The following TMEM200C variants were observed in gnomAD, a reference collection of about 807,000 sequenced individuals.
The protein encoded by TMEM200C is transmembrane protein TTMA.
For synonymous variants in TMEM200C, 462 were observed against 324.7 expected (o/e 1.42, Z -4.55); for missense variants, 966 against 699.9 (o/e 1.38, Z -4.29).
intron 2 of TMEM200C, among the ~76,000 whole-genome samples, chr18:5,893,299 GT>G (rs1011246421): frequency 6.6e-6 from 1 of 151,080 alleles, no homozygotes; most frequent in Non-Finnish European, 1.5e-5. Flanking sequence ...GTTTTGTTTT[GT>G]TTTTCCCCCT....
In TMEM200C at chr18:5,891,871, C is replaced by T. The variant is rs777545388; in HGVS notation, c.193G>A (p.Val65Met). The T allele has an allele frequency of 5.0e-6, 8 of 1,611,236 alleles. No homozygotes were observed. In the East Asian group the frequency reaches 1.8e-4, roughly 36 times the overall value. ...CCCACCACCGCCATGGCTATGCCCA[C>T]CAGCAGCACCAGGATCCCACAGAGG... The change falls in exon 3 of 3, where the codon GTG becomes ATG. Residue 65 changes from valine (V) to methionine (M), a missense_variant. By Grantham distance (21) the Val-to-Met change is conservative. Coordinates refer to ENST00000581347, the Ensembl canonical transcript of TMEM200C. The surrounding 1 kb of genome is among the most constrained non-coding windows in gnomAD (Gnocchi z 4.7).
At chr18:5,890,299 G>C in exon 3 of TMEM200C, 1 of 1,601,600 alleles carries the variant, frequency 6.2e-7, no homozygotes, top group Non-Finnish European at 8.5e-7. Flanking sequence ...TGCACCGGCT[G>C]AGGTTGCTCG....
exon 3 of TMEM200C, chr18:5,887,352 C>A (rs2095166160): frequency 6.6e-6 from 1 of 152,184 alleles, no homozygotes; most frequent in African/African-American, 2.4e-5. Flanking sequence ...CTTGTTCATG[C>A]CCGTCTGAAG....
At chr18:5,895,065 G>C (rs886273852) in exon 2 of TMEM200C, 1 of 152,142 alleles carries the variant, frequency 6.6e-6, no homozygotes, top group East Asian at 1.9e-4. Context: ...CCGGCGAACG[G>C]GCGCTCGGGC....
exon 3 of TMEM200C, chr18:5,890,839 C>T: frequency 1.5e-6 from 1 of 677,600 alleles, no homozygotes; most frequent in South Asian, 1.5e-5. Flanking sequence ...TCCTGGGAGC[C>T]GCGTTCCCCC....
intron 2 of TMEM200C, among the ~76,000 whole-genome samples, chr18:5,894,706 C>T (rs1004047169): frequency 6.6e-6 from 1 of 152,218 alleles, no homozygotes; most frequent in Non-Finnish European, 1.5e-5. Flanking sequence ...TCCTCGACCC[C>T]GGCCCCTCAC....
exon 3 of TMEM200C, chr18:5,887,689 T>G (rs2095166402): frequency 6.6e-6 from 1 of 152,218 alleles, no homozygotes; most frequent in South Asian, 2.1e-4. Context: ...TGAGATCATG[T>G]GTACCAAGCT....
exon 2 of TMEM200C, chr18:5,895,035 G>A (rs1354389494): frequency 6.6e-6 from 1 of 152,312 alleles, no homozygotes; most frequent in Admixed American, 6.5e-5. Flanking sequence ...CTTACCCAGG[G>A]AGACCGAGGG....
intron 2 of TMEM200C, among the ~76,000 whole-genome samples, chr18:5,893,757 T>C (rs1197976000): frequency 1.3e-5 from 2 of 152,200 alleles, no homozygotes; most frequent in African/African-American, 2.4e-5. Context: ...GGAATGTAAA[T>C]GGTAATCAGC....
chr18:5,890,591 C>G (rs1255636426), exon 3 of TMEM200C: 6 of 1,230,432 alleles, frequency 4.9e-6, no homozygotes, highest in Non-Finnish European at 6.2e-6. Context: ...GGTCCGCACT[C>G]CCCGGGGAGG....
chr18:5,891,314 G>C lies in TMEM200C; in HGVS notation c.750C>G (p.Phe250Leu). 7.1e-7 allele frequency: 1 copy of C among 1,409,976 alleles called. No homozygotes were observed. Among genetic ancestry groups the C allele is most frequent in the African/African-American group, 1.5e-5 (1 of 66,532 alleles). The allele number at this position is 1,409,976 out of a possible 1,614,324, so 87.3% of individuals were successfully genotyped here. Residue 250 changes from phenylalanine to leucine, a missense_variant, in exon 3 of 3, where the codon TTC becomes TTG. Transcript: ENST00000581347. This position sits in a 1 kb window ranked among gnomAD's most constrained non-coding sequence, Gnocchi z 4.7. The stretch of plus-strand genomic sequence containing the variant: ...GGCCCCGCGACTGCACGTAGCTGAG[G>C]AAGCCGTTGAGCGGTATGGCCCCGG...
rs1242684903 is a variant in TMEM200C at position 5,891,984 on chromosome 18, C to G, written c.80G>C (p.Arg27Pro). The G allele has an allele frequency of 1.9e-6, 3 of 1,613,922 alleles. No individual in the cohort carries two copies. Among genetic ancestry groups the G allele is most frequent in the African/African-American group, 2.7e-5 (2 of 75,064 alleles). The change falls in exon 3 of 3, where the codon CGC becomes CCC. Residue 27 changes from arginine to proline, a missense_variant. Coordinates refer to ENST00000581347, the Ensembl canonical transcript of TMEM200C. This position sits in a 1 kb window ranked among gnomAD's most constrained non-coding sequence, Gnocchi z 4.7. The stretch of plus-strand genomic sequence containing the variant: ...GCGCCTCTTCTTGGCTTTCCGCTTG[C>G]GCTTGGGTATCTGGCTTGGGGGGCG...
At chr18:5,893,527 G>A (rs1466335980) in intron 2 of TMEM200C, among the ~76,000 whole-genome samples, 3 of 152,206 alleles carry the variant, frequency 2.0e-5, no homozygotes, top group African/African-American at 4.8e-5. Context: ...CCTATGAGAT[G>A]CTAAAATCAA....
chr18:5,882,895 C>T (rs1391921281), exon 3 of TMEM200C: 1 of 152,062 alleles, frequency 6.6e-6, no homozygotes, highest in Admixed American at 6.6e-5. Flanking sequence ...CATTAACCTG[C>T]AATGGTTACA....
At chr18:5,885,412 C>T (rs1378528101) in exon 3 of TMEM200C, 2 of 152,320 alleles carry the variant, frequency 1.3e-5, no homozygotes, top group East Asian at 3.9e-4. Flanking sequence ...AGCCCATGTC[C>T]ATGTCATAGC....
intron 2 of TMEM200C, among the ~76,000 whole-genome samples, chr18:5,894,146 T>C (rs770354336): frequency 6.6e-6 from 1 of 152,030 alleles, no homozygotes; most frequent in African/African-American, 2.4e-5. Flanking sequence ...CATGTTTTGT[T>C]GGGCATTGAT....
At chr18:5,887,037 A>G (rs2095165901) in exon 3 of TMEM200C, 1 of 152,206 alleles carries the variant, frequency 6.6e-6, no homozygotes, top group Admixed American at 6.5e-5. Flanking sequence ...GGACATTATT[A>G]TTCCTATAGT....
exon 3 of TMEM200C, chr18:5,889,225 A>G (rs1274203051): frequency 6.6e-6 from 1 of 152,184 alleles, no homozygotes; most frequent in Non-Finnish European, 1.5e-5. Flanking sequence ...GTTTCATTCT[A>G]TTTGAAAGAG....
intron 2 of TMEM200C, among the ~76,000 whole-genome samples, chr18:5,893,414 A>T (rs754815242): frequency 6.6e-6 from 1 of 152,218 alleles, no homozygotes; most frequent in African/African-American, 2.4e-5. Flanking sequence ...TGGGTAGGAA[A>T]ATTCACAAAT....
Sources: allele counts gnomAD v4.1 joint callset (sites outside exome capture counted in the v4.1 genomes callset), GRCh38; gene constraint gnomAD v4.1.1; non-coding constraint Gnocchi (gnomAD v3.1); transcripts MANE v1.5; gene names NCBI Gene and HGNC (gene_info 2026-07-23, HGNC 2026-07-21).